The following SLC35F3 variants were observed in gnomAD, a reference collection of about 807,000 sequenced individuals.
SLC35F3 encodes the protein solute carrier family 35 member F3.
A neutral mutation model predicts 49.9 loss-of-function variants in SLC35F3; 25 were observed. That is an observed-to-expected ratio of 0.50 (90% CI 0.37 to 0.70). The LOEUF (loss-of-function observed/expected upper bound fraction) is 0.70, where lower values mean the gene tolerates loss of function less well. Ranked by LOEUF, SLC35F3 falls within the 30% of genes least tolerant of loss-of-function variation. SLC35F3 has a pLI of 0.00. For missense variants in SLC35F3, 525 were observed against 639.8 expected (o/e 0.82, Z 1.94); for synonymous variants, 275 against 265.4 (o/e 1.04, Z -0.35).
chr1:233,953,242 T>C (rs901979484), intron 2 of SLC35F3, among the ~76,000 whole-genome samples: 4 of 151,904 alleles, frequency 2.6e-5, no homozygotes, highest in Admixed American at 2.6e-4. Context: ...ACATTAAGAA[T>C]GAAAAAAATC....
At chr1:233,927,781 G>A (rs1324303800) in intron 2 of SLC35F3, among the ~76,000 whole-genome samples, 2 of 151,828 alleles carry the variant, frequency 1.3e-5, no homozygotes, top group African/African-American at 4.8e-5. Context: ...AAAATGGAAT[G>A]GTATAAAATT....
rs538762830 is a variant in SLC35F3, at chr1:233,969,181, G to A, written c.283+63423G>A. Reference sequence around the variant, plus strand: ...CAATTCTCATCTTCAGTTTTCAGACGTCTGAAGTCTCCTCCATGCCGATTT... The same window carrying A: ...CAATTCTCATCTTCAGTTTTCAGACATCTGAAGTCTCCTCCATGCCGATTT... On this transcript the variant is annotated intron_variant, in intron 2 of 7. Transcript: ENST00000366618. Among the ~76,000 whole-genome samples the A allele has an allele frequency of 1.6e-4, 24 of 152,164 alleles. 1 individual carries two copies. The South Asian group carries it at 3.5e-3, about 22-fold the overall frequency.
At chr1:234,288,773 A>G in intron 3 of SLC35F3, among the ~76,000 whole-genome samples, 1 of 152,196 alleles carries the variant, frequency 6.6e-6, no homozygotes, top group East Asian at 1.9e-4. Context: ...ATATGGCTCC[A>G]TTATTGATAA....
chr1:234,063,833 G>A (rs1402947882), intron 2 of SLC35F3, among the ~76,000 whole-genome samples: 1 of 152,174 alleles, frequency 6.6e-6, no homozygotes, highest in African/African-American at 2.4e-5. Context: ...GAAAAAGGGA[G>A]CATCCACTTT....
intron 2 of SLC35F3, among the ~76,000 whole-genome samples, chr1:234,087,966 C>A (rs959690650): frequency 1.3e-5 from 2 of 152,170 alleles, no homozygotes; most frequent in East Asian, 3.9e-4. Context: ...TCTAAAACAT[C>A]CCCTCCACAC....
chr1:234,134,756 C>G (rs570374512), intron 2 of SLC35F3, among the ~76,000 whole-genome samples: 7 of 152,228 alleles, frequency 4.6e-5, no homozygotes, highest in African/African-American at 1.7e-4. Context: ...CAGTCTCGCT[C>G]TGTTGCCCAG....
chr1:234,250,900 GCCATT>G (rs1667728849), intron 3 of SLC35F3, among the ~76,000 whole-genome samples: 1 of 152,118 alleles, frequency 6.6e-6, no homozygotes, highest in South Asian at 2.1e-4. Flanking sequence ...ACTGCACCAA[GCCATT>G]CAGGAGGGAT....
intron 2 of SLC35F3, among the ~76,000 whole-genome samples, chr1:233,908,973 AG>A (rs1030288786): frequency 1.1e-4 from 16 of 151,180 alleles, no homozygotes; most frequent in Middle Eastern, 6.9e-3. Context: ...CTCCTACCTC[AG>A]CTTCCTCCTG....
At chr1:233,942,602 T>TA (rs1188038923) in intron 2 of SLC35F3, among the ~76,000 whole-genome samples, 1 of 151,918 alleles carries the variant, frequency 6.6e-6, no homozygotes, top group Non-Finnish European at 1.5e-5. Context: ...TTTGTAGAGA[T>TA]AGAGTTTCAC....
At chr1:234,229,155 C>T (rs1039780576) in intron 2 of SLC35F3, among the ~76,000 whole-genome samples, 36 of 152,178 alleles carry the variant, frequency 2.4e-4, no homozygotes, top group African/African-American at 8.7e-4. Flanking sequence ...ATCCATTGAC[C>T]CTGAATATTC....
chr1:234,088,246 C>G (rs148750238), intron 2 of SLC35F3, among the ~76,000 whole-genome samples: 5 of 152,178 alleles, frequency 3.3e-5, no homozygotes, highest in African/African-American at 1.2e-4. Context: ...GACAGAGTCT[C>G]GCCCAGGCTG....
chr1:233,924,687 T>G (rs1386061345), intron 2 of SLC35F3, among the ~76,000 whole-genome samples: 1 of 152,238 alleles, frequency 6.6e-6, no homozygotes, highest in Non-Finnish European at 1.5e-5. Context: ...TTTGAATGTG[T>G]TTGCTCTTGC....
intron 2 of SLC35F3, among the ~76,000 whole-genome samples, chr1:233,922,232 G>A (rs1297214295): frequency 6.6e-6 from 1 of 152,158 alleles, no homozygotes; most frequent in Admixed American, 6.5e-5. Flanking sequence ...CTTCCACAAT[G>A]GTTGAACTAG....
chr1:234,089,249 T>C (rs543821046), intron 2 of SLC35F3, among the ~76,000 whole-genome samples: 1 of 152,282 alleles, frequency 6.6e-6, no homozygotes, highest in South Asian at 2.1e-4. Context: ...AGACAGACCA[T>C]AAAGTCCTCT....
chr1:233,942,600 G>T (rs554282066), intron 2 of SLC35F3, among the ~76,000 whole-genome samples: 1 of 151,958 alleles, frequency 6.6e-6, no homozygotes, highest in Non-Finnish European at 1.5e-5. Context: ...TTTTTGTAGA[G>T]ATAGAGTTTC....
intron 2 of SLC35F3, among the ~76,000 whole-genome samples, chr1:234,151,455 G>A (rs1469617241): frequency 2.0e-5 from 3 of 151,814 alleles, no homozygotes; most frequent in Non-Finnish European, 4.4e-5. Context: ...ATGAAAGTGT[G>A]ACGGAAAAAT....
chr1:234,202,521 A>T (rs990492705), intron 2 of SLC35F3, among the ~76,000 whole-genome samples: 3 of 152,270 alleles, frequency 2.0e-5, no homozygotes, highest in Non-Finnish European at 4.4e-5. Context: ...AATAATTTCT[A>T]ACCAGTGCGC....
intron 2 of SLC35F3, among the ~76,000 whole-genome samples, chr1:234,052,370 G>A (rs1015101300): frequency 6.6e-6 from 1 of 152,142 alleles, no homozygotes; most frequent in South Asian, 2.1e-4. Context: ...TCTTGGGAGG[G>A]TGTATATGTC....
intron 2 of SLC35F3, among the ~76,000 whole-genome samples, chr1:234,194,995 A>G (rs974257114): frequency 2.0e-5 from 3 of 152,176 alleles, no homozygotes; most frequent in African/African-American, 7.2e-5. Context: ...AGCATCCTCC[A>G]GGCAGCTTTA....
Sources: gnomAD v4.1 joint callset for allele counts (sites outside exome capture counted in the v4.1 genomes callset) on GRCh38, gnomAD v4.1.1 for gene constraint, MANE v1.5 for transcripts, NCBI Gene and HGNC (gene_info 2026-07-23, HGNC 2026-07-21) for gene names.